Variants in TTN observed in about 807,000 individuals in gnomAD.
The protein encoded by TTN is titin.
Under a neutral mutation model 3,223.0 loss-of-function variants are expected in TTN, and 1,525 were observed. That is an observed-to-expected ratio of 0.47 (90% confidence interval 0.45 to 0.49). TTN has a LOEUF of 0.49. TTN is among the 20% of genes least tolerant of loss of function. The pLI, the probability that TTN is intolerant of heterozygous loss-of-function variation, is 0.00. For synonymous variants in TTN, 14,094 were observed against 15,161.0 expected (o/e 0.93, Z 5.17); for missense variants, 40,786 against 43,424.0 (o/e 0.94, Z 5.40).
rs747441311 is a variant in TTN at position 178,555,056 on chromosome 2, G to C, written c.88403C>G (p.Pro29468Arg). 2.5e-6 allele frequency: 4 copies of C among 1,613,634 alleles called. No homozygotes were observed. In the African/African-American group the frequency reaches 4.0e-5, roughly 16 times the overall value. ...TTTATACCACTCAATAGTAGGCGCA[G>C]GTTTGCCAGAAATGCCAGCTCTGAG... ...VKLRAGISGK[P>R]APTIEWYKDD... is the part of the protein sequence containing the mutation. The change falls in exon 331 of 363, where the codon CCT becomes CGT. Residue 29468 changes from proline to arginine, a missense_variant. Pro to Arg is a moderately radical substitution (Grantham distance 103, BLOSUM62 -2). Coordinates refer to ENST00000589042, the MANE Select transcript of TTN (RefSeq NM_001267550.2).
chr2:178,783,117 C>A, intron 17 of TTN, 53 bp from the exon 18 acceptor site: 1 of 1,596,742 alleles, frequency 6.3e-7, no homozygotes, highest in Non-Finnish European at 8.6e-7. Flanking sequence ...TCATTAATCA[C>A]TTCTGTTTTG....
chr2:178,542,036 A>G lies in TTN; in HGVS notation c.97492+228T>C, dbSNP rs186425913. The G allele has an allele frequency of 1.4e-4, 58 of 403,382 alleles. No homozygotes were observed. In the South Asian group the frequency reaches 1.9e-3, roughly 13 times the overall value. The allele number at this position is 403,382 out of a possible 1,614,324, so 25.0% of individuals were successfully genotyped here. On this transcript the variant is annotated intron_variant, in intron 349 of 362. Coordinates refer to ENST00000589042, the MANE Select transcript of TTN (RefSeq NM_001267550.2). ...TCCTAACTCCCTCCTCTTCTCTTTC[A>G]TAAGAGTGAAGATATTAAAAAAAAA...
chr2:178,677,335 C>CATATACATAT (rs71393434), intron 146 of TTN, 48 bp from the exon 147 acceptor site: 4 of 251,896 alleles, frequency 1.6e-5, no homozygotes, highest in Admixed American at 1.6e-4. Context: ...TATACATGGT[C>CATATACATAT]ATATATATAT....
rs1295011090 is a variant in TTN, at chr2:178,575,794, G to A, written c.70338C>T (p.Asp23446=). The change falls in exon 326 of 363, where the codon GAC becomes GAT. Residue 23446 remains aspartate, a synonymous_variant. Transcript: ENST00000589042. The surrounding 1 kb of genome is among the most constrained non-coding windows in gnomAD (Gnocchi z 4.0). ...GCAGGGTGACACTGTCCTTTGTGAT[G>A]TCTGTAGGCCGCAGGTTGAGGACTG... The part of the protein sequence containing the change: ...PGPVLNLRPT[D]ITKDSVTLHW... 6.2e-7 allele frequency: 1 copy of A among 1,612,996 alleles called. No individual in the cohort carries two copies. Among genetic ancestry groups the A allele is most frequent in the African/African-American group, 1.3e-5 (1 of 74,900 alleles).
chr2:178,636,045 T>C lies in TTN; in HGVS notation c.41526A>G (p.Ala13842=), dbSNP rs2154230220. The change falls in exon 226 of 363, where the codon GCA becomes GCG. Residue 13842 remains alanine (A), a synonymous_variant. Transcript: ENST00000589042. The surrounding 1 kb of genome is among the most constrained non-coding windows in gnomAD (Gnocchi z 4.3). Reference sequence around the variant, plus strand: ...TGTATGTTCCAGCATCTGTGTCATCTGCATCGTTGATGGTCAGAGCCCGCA... The same window carrying C: ...TGTATGTTCCAGCATCTGTGTCATCCGCATCGTTGATGGTCAGAGCCCGCA... ...GLMRALTIND[A]DDTDAGTYTV... 1.2e-6 allele frequency: 2 copies of C among 1,613,332 alleles called. No individual in the cohort carries two copies. The highest frequency in any genetic ancestry group is 1.7e-6 in the Non-Finnish European group (2 of 1,179,500).
Position 178,608,393 on chromosome 2 carries a change from T to C in TTN, c.52490A>G (p.Asn17497Ser). The C allele has an allele frequency of 1.9e-6, 3 of 1,610,716 alleles. No homozygotes were observed. Among genetic ancestry groups the C allele is most frequent in the Non-Finnish European group, 1.7e-6 (2 of 1,178,336 alleles). Residue 17497 changes from asparagine (N) to serine (S), a missense_variant, in exon 275 of 363, where the codon AAT becomes AGT. Physicochemically the swap from Asn to Ser is conservative, Grantham distance 46. Transcript: ENST00000589042. ...MLVKWNEPKDNGSPILGYWLE... is the reference protein window; with the variant it reads ...MLVKWNEPKDSGSPILGYWLE... ...CCAGTAACCCAAAATGGGGCTTCCA[T>C]TATCTTTTGGTTCATTCCATTTCAC...
chr2:178,575,123 C>A lies in TTN; in HGVS notation c.71009G>T (p.Gly23670Val). The A allele has an allele frequency of 6.2e-7, 1 of 1,612,942 alleles. No homozygotes were observed. Among genetic ancestry groups the A allele is most frequent in the Non-Finnish European group, 8.5e-7 (1 of 1,179,426 alleles). The change falls in exon 326 of 363, where the codon GGA (glycine) becomes GTA (valine). Residue 23670 changes from glycine to valine, a missense_variant. Transcript: ENST00000589042. This position sits in a 1 kb window ranked among gnomAD's most constrained non-coding sequence, Gnocchi z 4.0. The stretch of plus-strand genomic sequence containing the variant: ...CTGTGTCTGTTTAAGAATTTGGTCT[C>A]CTTTTTTCCATGTCACTGTGGGCTT... ...RPKPTVTWKK[G>V]DQILKQTQRV...
chr2:178,659,514 CAATA>C (rs1385882631), intron 180 of TTN, among the ~76,000 whole-genome samples: 1 of 149,834 alleles, frequency 6.7e-6, no homozygotes, highest in East Asian at 2.0e-4. Context: ...TAAAGACTCT[CAATA>C]AATTAGGTAT....
At chr2:178,556,633 C>G (rs1436332630) in intron 330 of TTN, 2 of 578,390 alleles carry the variant, frequency 3.5e-6, no homozygotes, top group African/African-American at 1.9e-5. Flanking sequence ...CCATAGATAT[C>G]CTGAGGTCTA....
rs2071886671 is a variant in TTN at position 178,689,830 on chromosome 2, T to C, written c.31829A>G (p.Glu10610Gly). 3 of 1,612,136 alleles carry C rather than the reference T, an allele frequency of 1.9e-6. No homozygotes were observed. The highest frequency in any genetic ancestry group is 1.7e-4 in the Middle Eastern group (1 of 6,052). The change falls in exon 122 of 363, where the codon GAA becomes GGA. Residue 10610 changes from glutamate to glycine, a missense_variant. Glu to Gly is a moderately conservative substitution (Grantham distance 98). Transcript: ENST00000589042. ...KIPVPVAKKK[E>G]APPAKVPEVQ... is the part of the protein sequence containing the mutation. The stretch of plus-strand genomic sequence containing the variant: ...CACTGTACCTTTAGCTGGGGGAGCT[T>C]CCTTTTTCTTTGCAACAGGAACGGG...
chr2:178,582,485 A>C lies in TTN; in HGVS notation c.65971T>G (p.Tyr21991Asp). Residue 21991 changes from tyrosine (Y) to aspartate (D), a missense_variant, in exon 314 of 363, where the codon TAT (tyrosine) becomes GAT (aspartate). Coordinates refer to ENST00000589042, the MANE Select transcript of TTN (RefSeq NM_001267550.2). ...CTTGTTTCACGTTTGTCAACAATAT[A>C]GTTGGTGATTTCTGAGCCTCCATCT... is the stretch of plus-strand genomic sequence containing the variant. ...LEDGGSEITN[Y>D]IVDKRETSRP... is the part of the protein sequence containing the mutation. 1 of 1,612,936 alleles carries C rather than the reference A, an allele frequency of 6.2e-7. No homozygotes were observed. The highest frequency in any genetic ancestry group is 1.7e-5 in the Admixed American group (1 of 59,968).
rs755299669 is a variant in TTN, at chr2:178,542,257, G to GACTT, written c.97492+3_97492+6dup. The stretch of plus-strand genomic sequence containing the variant: ...GGGGAGAGTGGTGGAAGGGCCTGTG[G>GACTT]ACTTACGGATGCTGCTGCGACACTC... On this transcript the variant is annotated splice_region_variant and intron_variant, in intron 349 of 362. Transcript: ENST00000589042. 1 of 1,601,666 alleles carries GACTT rather than the reference G, an allele frequency of 6.2e-7. No homozygotes were observed. Among genetic ancestry groups the GACTT allele is most frequent in the Non-Finnish European group, 8.5e-7 (1 of 1,171,886 alleles).
In TTN at chr2:178,598,565, A is replaced by C. The variant is rs367822879; in HGVS notation, c.57052T>G (p.Ser19018Ala). 1.0e-5 allele frequency: 16 copies of C among 1,607,900 alleles called. No homozygotes were observed. In the Middle Eastern group the frequency reaches 4.9e-4, roughly 50 times the overall value. Residue 19018 changes from serine (S) to alanine (A), a missense_variant, in exon 292 of 363, where the codon TCC becomes GCC. Coordinates refer to ENST00000589042, the MANE Select transcript of TTN (RefSeq NM_001267550.2). ...TCAACGATGTATCCAGTTACTTTGG[A>C]TCCACCATCTTTTAGTGGGGGAGAC... ...EWSPPLKDGG[S>A]KVTGYIVEYK...
rs1421028960 is a variant in TTN at position 178,608,898 on chromosome 2, T to G, written c.52113A>C (p.Gly17371=). ...CTTCAAATACAAAGTTGATTGGTGG[T>G]CCCGGTGTATCTAATATTTCAGAAG... ...PCTVSVLDTP[G]PPINFVFEDI... The change falls in exon 274 of 363, where the codon GGA becomes GGC. Residue 17371 remains glycine, a synonymous_variant. Coordinates refer to ENST00000589042, the MANE Select transcript of TTN (RefSeq NM_001267550.2). The G allele has an allele frequency of 6.2e-7, 1 of 1,608,274 alleles. No individual in the cohort carries two copies. The highest frequency in any genetic ancestry group is 1.1e-5 in the South Asian group (1 of 90,700).
rs749560235 is a variant in TTN, at chr2:178,756,608, G to A, written c.10868C>T (p.Thr3623Ile). The A allele has an allele frequency of 1.2e-6, 2 of 1,613,558 alleles. No individual in the cohort carries two copies. Among genetic ancestry groups the A allele is most frequent in the Admixed American group, 1.7e-5 (1 of 59,996 alleles). The stretch of plus-strand genomic sequence containing the variant: ...CTGTGTATCTTGAACAGATGCAGCT[G>A]TGTGGATGGAACTTTGAGATACACT... ...FESVSQSSIH[T>I]AASVQDTQLC... The change falls in exon 46 of 363, where the codon ACA becomes ATA. Residue 3623 changes from threonine to isoleucine, a missense_variant. Thr to Ile is a moderately conservative substitution (Grantham distance 89). Coordinates refer to ENST00000589042, the MANE Select transcript of TTN (RefSeq NM_001267550.2).
At position 178,778,962 on chromosome 2, in the gene TTN, T is replaced by G. The variant is rs770961696; in HGVS notation, c.4120A>C (p.Ile1374Leu). 6.2e-7 allele frequency: 1 copy of G among 1,613,982 alleles called. No homozygotes were observed. The highest frequency in any genetic ancestry group is 8.5e-7 in the Non-Finnish European group (1 of 1,179,918). ...TCCACATACAATTTCCCTGAGCAAA[T>G]TGCATTTCCTTTAATATTGCTGGCA... ...AFASNIKGNA[I>L]CSGKLYVEPA... The change falls in exon 24 of 363, where the codon ATT becomes CTT. Residue 1374 changes from isoleucine to leucine, a missense_variant. Transcript: ENST00000589042.
chr2:178,738,086 C>T lies in TTN; in HGVS notation c.14367G>A (p.Val4789=). The T allele has an allele frequency of 6.2e-7, 1 of 1,611,690 alleles. No homozygotes were observed. The highest frequency in any genetic ancestry group is 8.5e-7 in the Non-Finnish European group (1 of 1,178,188). Residue 4789 remains valine, a synonymous_variant, in exon 49 of 363, where the codon GTG becomes GTA. Coordinates refer to ENST00000589042, the MANE Select transcript of TTN (RefSeq NM_001267550.2). ...GTGCCAATGTATGGCATTTACCTGTCACAGTTAGTGTGGCTGTACAGCTGA... is the reference window on the plus strand; with the variant it reads ...GTGCCAATGTATGGCATTTACCTGTTACAGTTAGTGTGGCTGTACAGCTGA... ...GSVSCTATLT[V]TEAYPPTFLS...
At chr2:178,704,999 T>A (rs2075624681) in intron 103 of TTN, 33 bp from the exon 104 acceptor site, 1 of 1,608,052 alleles carries the variant, frequency 6.2e-7, no homozygotes. Context: ...GCATTACAGA[T>A]GAAACAAAAT....
intron 359 of TTN, among the ~76,000 whole-genome samples, chr2:178,529,557 A>T (rs1313117362): frequency 6.6e-6 from 1 of 152,264 alleles, no homozygotes; most frequent in African/African-American, 2.4e-5. Context: ...GAAGATTGAA[A>T]TGAAAGCAAA....
Sources: gnomAD v4.1 joint callset for allele counts (sites outside exome capture counted in the v4.1 genomes callset) on GRCh38, gnomAD v4.1.1 for gene constraint, Gnocchi (gnomAD v3.1) non-coding constraint, MANE v1.5 for transcripts, NCBI Gene and HGNC (gene_info 2026-07-23, HGNC 2026-07-21) for gene names.